Variants in DPP6 observed in about 807,000 individuals in gnomAD.
DPP6 encodes dipeptidyl peptidase like 6.
In DPP6, 69 loss-of-function variants were observed where a neutral mutation model predicts 122.6. The ratio of observed to expected loss-of-function variants is 0.56; its 90% CI spans 0.46 to 0.69. DPP6 has a LOEUF of 0.69. Ranked by LOEUF, DPP6 falls within the 30% of genes least tolerant of loss-of-function variation. The probability of loss-of-function intolerance (pLI) is 0.00; values close to 1 mark genes in which losing one functional copy is unlikely to be tolerated. For missense variants in DPP6, 928 were observed against 1,116.9 expected (o/e 0.83, Z 2.41); for synonymous variants, 418 against 433.1 (o/e 0.97, Z 0.43).
chr7:154,233,321 T>C (rs1801018838), intron 1 of DPP6, among the ~76,000 whole-genome samples: 1 of 152,210 alleles, frequency 6.6e-6, no homozygotes, highest in African/African-American at 2.4e-5. Flanking sequence ...ATCAGTGCAG[T>C]GACACAAAAT....
chr7:154,596,574 A>T (rs1163382903), intron 5 of DPP6, among the ~76,000 whole-genome samples: 2 of 152,192 alleles, frequency 1.3e-5, no homozygotes, highest in East Asian at 1.9e-4. Context: ...CAAAAAAAAA[A>T]GTTGACATGG....
intron 1 of DPP6, among the ~76,000 whole-genome samples, chr7:154,293,075 A>G (rs757463787): frequency 2.6e-5 from 4 of 152,076 alleles, no homozygotes; most frequent in African/African-American, 4.8e-5. Flanking sequence ...TTCCCATTCC[A>G]TATCTCATTT....
intron 1 of DPP6, among the ~76,000 whole-genome samples, chr7:154,130,890 A>G (rs1389521568): frequency 6.6e-6 from 1 of 152,176 alleles, no homozygotes. Flanking sequence ...CACCATGGAA[A>G]ATGCCTCAGC....
intron 1 of DPP6, among the ~76,000 whole-genome samples, chr7:153,986,288 G>T (rs937995494): frequency 6.6e-6 from 1 of 151,868 alleles, no homozygotes; most frequent in Admixed American, 6.6e-5. Context: ...GAAATTTTCA[G>T]TGCCTTTTTT....
intron 1 of DPP6, among the ~76,000 whole-genome samples, chr7:154,439,938 C>T (rs1430633162): frequency 6.6e-6 from 1 of 152,082 alleles, no homozygotes. Flanking sequence ...TGTGGGAGAG[C>T]CCTGGGAGAG....
At chr7:154,457,131 G>A (rs1316742811) in intron 2 of DPP6, among the ~76,000 whole-genome samples, 1 of 75,058 alleles carries the variant, frequency 1.3e-5, no homozygotes, top group Non-Finnish European at 2.7e-5. Context: ...TAGCATGAAG[G>A]GTTGTTGAAT....
At chr7:154,651,275 C>G (rs555997083) in intron 6 of DPP6, among the ~76,000 whole-genome samples, 84 of 152,234 alleles carry the variant, frequency 5.5e-4, no homozygotes, top group African/African-American at 1.9e-3. Flanking sequence ...TTACAGAAAC[C>G]ACATTCATTA....
At chr7:154,503,874 G>T (rs927626985) in intron 3 of DPP6, among the ~76,000 whole-genome samples, 9 of 152,154 alleles carry the variant, frequency 5.9e-5, no homozygotes, top group Non-Finnish European at 1.0e-4. Flanking sequence ...GTAATGGGTT[G>T]ATCTGTGCAG....
chr7:154,592,721 G>T (rs1030564851), intron 5 of DPP6, among the ~76,000 whole-genome samples: 12 of 152,138 alleles, frequency 7.9e-5, no homozygotes, highest in Admixed American at 7.9e-4. Flanking sequence ...GGGACAGGGA[G>T]CAGGCCAGCG....
chr7:154,856,773 CA>C (rs1428476658), intron 17 of DPP6, among the ~76,000 whole-genome samples: 2 of 152,164 alleles, frequency 1.3e-5, no homozygotes, highest in Non-Finnish European at 2.9e-5. Flanking sequence ...TCGCCGTTTG[CA>C]GTTGAGCTGT....
intron 1 of DPP6, among the ~76,000 whole-genome samples, chr7:153,989,510 G>A (rs1307416799): frequency 3.3e-5 from 5 of 151,824 alleles, no homozygotes; most frequent in African/African-American, 1.2e-4. Flanking sequence ...CACCCTGCGA[G>A]TTTTCACCTT....
At chr7:154,144,628 C>T (rs1796002244) in intron 1 of DPP6, among the ~76,000 whole-genome samples, 1 of 150,190 alleles carries the variant, frequency 6.7e-6, no homozygotes, top group Non-Finnish European at 1.5e-5. Flanking sequence ...AGTTGAGCAT[C>T]ATACCTTTAT....
At chr7:154,761,151 C>T (rs1406077213) in intron 8 of DPP6, among the ~76,000 whole-genome samples, 1 of 152,136 alleles carries the variant, frequency 6.6e-6, no homozygotes, top group Non-Finnish European at 1.5e-5. Context: ...TTTTTTGAAA[C>T]TAAATTTGAG....
chr7:153,902,058 C>T (rs1007155477), intron 1 of DPP6, among the ~76,000 whole-genome samples: 1 of 152,188 alleles, frequency 6.6e-6, no homozygotes, highest in Admixed American at 6.5e-5. Context: ...GAAATCCTCT[C>T]CACAAAGGTA....
chr7:153,883,182 C>T (rs1056163079), upstream of DPP6, among the ~76,000 whole-genome samples: 3 of 152,166 alleles, frequency 2.0e-5, no homozygotes. Flanking sequence ...ACCTTCACAT[C>T]CCTGTTTGTG....
At chr7:154,328,728 TA>T (rs1286714329) in intron 1 of DPP6, among the ~76,000 whole-genome samples, 1 of 152,164 alleles carries the variant, frequency 6.6e-6, no homozygotes, top group Non-Finnish European at 1.5e-5. Flanking sequence ...TACATGGTAT[TA>T]GGGGCAGGAA....
chr7:153,774,451 G>A, the DPP6 span, among the ~76,000 whole-genome samples: 2 of 152,196 alleles, frequency 1.3e-5, no homozygotes, highest in Non-Finnish European at 2.9e-5. Context: ...TAATCGATAT[G>A]TCAATCATGT....
intron 1 of DPP6, among the ~76,000 whole-genome samples, chr7:154,364,602 G>A (rs1056218148): frequency 6.6e-6 from 1 of 152,144 alleles, no homozygotes; most frequent in Non-Finnish European, 1.5e-5. Context: ...GCATCCCTTC[G>A]GTGAGCTTAG....
chr7:154,879,588 C>CA (rs778157355), intron 20 of DPP6, among the ~76,000 whole-genome samples: 4,654 of 41,390 alleles, frequency 0.11, 389 homozygotes, highest in African/African-American at 0.15. Context: ...GACTCCGTCT[C>CA]AAAAAAAAAA....
Sources: gnomAD v4.1 joint callset for allele counts (sites outside exome capture counted in the v4.1 genomes callset) on GRCh38, gnomAD v4.1.1 for gene constraint, MANE v1.5 for transcripts, NCBI Gene and HGNC (gene_info 2026-07-23, HGNC 2026-07-21) for gene names.